The following FADS2 variants were observed in gnomAD, a reference collection of about 807,000 sequenced individuals.
FADS2 encodes the protein acyl-CoA 6-desaturase.
Under a neutral mutation model 61.2 loss-of-function variants are expected in FADS2, and 18 were observed. That is an observed-to-expected ratio of 0.29 (90% confidence interval 0.20 to 0.44). FADS2 has a LOEUF of 0.44. Among genes scored for constraint, FADS2 ranks in the 20% least tolerant of loss-of-function variants. FADS2 has a pLI of 1.00. For synonymous variants in FADS2, 203 were observed against 223.9 expected, an observed-to-expected ratio of 0.91 and a Z score of 0.83; for missense variants, 322 against 572.7, an observed-to-expected ratio of 0.56 and a Z score of 4.47.
chr11:61,865,545 C>A lies in FADS2; in HGVS notation c.1284-93C>A, dbSNP rs2067460854. ...CCCTGGTTAGGGCCAAGGGGACATA[C>A]ATGCCACCTTAATGATGGCCTCCTC... On this transcript the variant is annotated intron_variant, in intron 11 of 11. Coordinates refer to ENST00000278840, the MANE Select transcript of FADS2 (RefSeq NM_004265.4). The surrounding 1 kb of genome is among the most constrained non-coding windows in gnomAD (Gnocchi z 4.1). 8.2e-7 allele frequency: 1 copy of A among 1,214,252 alleles called. No individual in the cohort carries two copies. Among genetic ancestry groups the A allele is most frequent in the Non-Finnish European group, 1.2e-6 (1 of 836,144 alleles). 75.2% of individuals were successfully genotyped at this position (1,214,252 alleles called of 1,614,324 possible).
At position 61,865,505 on chromosome 11, in the gene FADS2, A is replaced by G; in HGVS notation, c.1284-133A>G. On this transcript the variant is annotated intron_variant, in intron 11 of 11. Coordinates refer to ENST00000278840, the MANE Select transcript of FADS2 (RefSeq NM_004265.4). This position sits in a 1 kb window ranked among gnomAD's most constrained non-coding sequence, Gnocchi z 4.1. ...TCTGAGCTGACAGCCCCACAGGCCC[A>G]GTGGCAGTGGTAAGCCCTGGTTAGG... 1 of 958,984 alleles carries G rather than the reference A, an allele frequency of 1.0e-6. No individual in the cohort carries two copies. The highest frequency in any genetic ancestry group is 1.6e-6 in the Non-Finnish European group (1 of 627,042). The allele number at this position is 958,984 out of a possible 1,614,324, so 59.4% of individuals were successfully genotyped here. A position where few individuals can be genotyped will look rare whatever the true frequency, so the allele number is the denominator to read the frequency against.
At chr11:61,816,235 C>T (rs987752541), upstream of FADS2, 4 of 1,594,348 alleles carry the variant, frequency 2.5e-6, no homozygotes, top group African/African-American at 1.3e-5. The surrounding 1 kb of genome is among the most constrained non-coding windows in gnomAD (Gnocchi z 7.0). Flanking sequence ...GCCTACCCAG[C>T]TCGGGGTTCT....
chr11:61,816,971 G>C lies in FADS2; in HGVS notation c.141+545G>C. 2 of 1,368,080 alleles carry C rather than the reference G, an allele frequency of 1.5e-6. No homozygotes were observed. The highest frequency in any genetic ancestry group is 1.9e-6 in the Non-Finnish European group (2 of 1,068,642). The allele number at this position is 1,368,080 out of a possible 1,614,324, so 84.7% of individuals were successfully genotyped here. On this transcript the variant is annotated intron_variant, in intron 1 of 11. Coordinates refer to the FADS2 transcript ENST00000257261. This position sits in a 1 kb window ranked among gnomAD's most constrained non-coding sequence, Gnocchi z 7.0. ...CGCGGGGAGCGAGATCCCGTCCCCC[G>C]GTGGGTCTTGGGCAACTCACAGCTG... is the stretch of plus-strand genomic sequence containing the variant.
chr11:61,847,203 G>T (rs919452967), intron 4 of FADS2: 2 of 152,082 alleles, frequency 1.3e-5, no homozygotes, highest in African/African-American at 4.8e-5. Flanking sequence ...CAAAGTGCTG[G>T]AATTACAGGT....
intron 5 of FADS2, among the ~76,000 whole-genome samples, chr11:61,850,239 C>CTTTCT (rs548024956): frequency 6.6e-5 from 10 of 151,912 alleles, no homozygotes; most frequent in South Asian, 2.1e-4. Context: ...TTCATAATTT[C>CTTTCT]TTTCTTTTCT....
At position 61,828,968 on chromosome 11, in the gene FADS2, G is replaced by A. The variant is rs769535539; in HGVS notation, c.207+371G>A. ...AGACGGCTTTGGCGCCCCCAGCGGG[G>A]AAGATGGCCGCCCCTGCGCGCCGCT... On this transcript the variant is annotated intron_variant, in intron 1 of 11. Transcript: ENST00000278840. This position sits in a 1 kb window ranked among gnomAD's most constrained non-coding sequence, Gnocchi z 6.4. 2.6e-5 allele frequency among the ~76,000 whole-genome samples: 4 copies of A among 152,358 alleles called. No individual in the cohort carries two copies. The East Asian group carries it at 7.7e-4, about 29-fold the overall frequency.
upstream of FADS2, among the ~76,000 whole-genome samples, chr11:61,824,155 G>A (rs373582563): frequency 3.3e-5 from 5 of 151,948 alleles, no homozygotes; most frequent in East Asian, 3.9e-4. Context: ...GCCGAGGTGG[G>A]CAGATCACCT....
rs149831604 is a variant in FADS2 at position 61,852,657 on chromosome 11, T to G, written c.745-4354T>G. Among the ~76,000 whole-genome samples, 168 of 152,364 alleles carry G rather than the reference T, an allele frequency of 1.1e-3. 1 individual carries two copies. The highest frequency in any genetic ancestry group is 3.8e-3 in the African/African-American group (160 of 41,590). ...GTCATTATGATTGGAGGTTCTCCAG[T>G]ACTCGGGAAAGCAGTGGATATTGGG... is the stretch of plus-strand genomic sequence containing the variant. On this transcript the variant is annotated intron_variant, in intron 5 of 11. Transcript: ENST00000278840.
chr11:61,865,884 C>A lies in FADS2; in HGVS notation c.*195C>A. On this transcript the variant is annotated 3_prime_UTR_variant, in exon 12 of 12. Transcript: ENST00000278840. The surrounding 1 kb of genome is among the most constrained non-coding windows in gnomAD (Gnocchi z 4.1). ...CCCATAGCACCCTGCCCTCATGGGACCTGCCCTCCCTCAGCCGTCAGCCAT... is the reference window on the plus strand; with the variant it reads ...CCCATAGCACCCTGCCCTCATGGGAACTGCCCTCCCTCAGCCGTCAGCCAT... 1 of 575,254 alleles carries A rather than the reference C, an allele frequency of 1.7e-6. No homozygotes were observed. The highest frequency in any genetic ancestry group is 3.1e-6 in the Non-Finnish European group (1 of 322,232). 35.6% of individuals were successfully genotyped at this position (575,254 alleles called of 1,614,324 possible). A position where few individuals can be genotyped will look rare whatever the true frequency, so the allele number is the denominator to read the frequency against.
At chr11:61,823,566 G>C (rs73487470), upstream of FADS2, among the ~76,000 whole-genome samples, 786 of 152,186 alleles carry the variant, frequency 5.2e-3, 10 homozygotes, top group African/African-American at 0.017. Context: ...ACTCCAGCTG[G>C]AGTGCAGTGG....
chr11:61,824,385 G>GA (rs1290727016), upstream of FADS2, among the ~76,000 whole-genome samples: 5 of 124,272 alleles, frequency 4.0e-5, no homozygotes, highest in East Asian at 9.8e-4. Flanking sequence ...CCATCTTGGG[G>GA]GAAAAAAAAA....
At chr11:61,845,120 T>G (rs911362169) in intron 4 of FADS2, among the ~76,000 whole-genome samples, 15 of 148,214 alleles carry the variant, frequency 1.0e-4, no homozygotes, top group Non-Finnish European at 1.9e-4. Flanking sequence ...ACCGAGGAGC[T>G]TTCCTCTGGC....
At chr11:61,818,141 G>A (rs1456055390) in intron 1 of FADS2, among the ~76,000 whole-genome samples, 1 of 152,240 alleles carries the variant, frequency 6.6e-6, no homozygotes, top group Non-Finnish European at 1.5e-5. Flanking sequence ...GTAGGAGTCA[G>A]GAGAGGGTGA....
intron 7 of FADS2, among the ~76,000 whole-genome samples, chr11:61,859,892 A>G (rs1449532918): frequency 6.6e-6 from 1 of 152,244 alleles, no homozygotes; most frequent in East Asian, 1.9e-4. Context: ...AGGCTGAGGC[A>G]GGAGAATTGC....
intron 5 of FADS2, among the ~76,000 whole-genome samples, chr11:61,850,882 C>T (rs2067301428): frequency 6.6e-6 from 1 of 152,156 alleles, no homozygotes; most frequent in Non-Finnish European, 1.5e-5. Context: ...AGGCTTGGAA[C>T]AAGGCGAGGA....
rs746063672 is a variant in FADS2 at position 61,857,008 on chromosome 11, C to T, written c.745-3C>T. 1.4e-5 allele frequency: 23 copies of T among 1,613,376 alleles called. No individual in the cohort carries two copies. ...GTGCTCATGATCTCTCCTCTCTCCT[C>T]AGTACGGCAAGAAGAAGCTGAAATA... On this transcript the variant is annotated splice_polypyrimidine_tract_variant and splice_region_variant and intron_variant, in intron 5 of 11. Coordinates refer to ENST00000278840, the MANE Select transcript of FADS2 (RefSeq NM_004265.4).
At chr11:61,849,867 G>C (rs74330132) in intron 5 of FADS2, 1 of 151,562 alleles carries the variant, frequency 6.6e-6, no homozygotes, top group Non-Finnish European at 1.5e-5. Flanking sequence ...CCATCTCTGC[G>C]AAAAATACAA....
chr11:61,852,015 G>A (rs916375411), intron 5 of FADS2, among the ~76,000 whole-genome samples: 1 of 152,210 alleles, frequency 6.6e-6, no homozygotes, highest in South Asian at 2.1e-4. Context: ...GTAGGATGAT[G>A]TTCGGCCTTC....
intron 7 of FADS2, among the ~76,000 whole-genome samples, chr11:61,861,371 A>AAAAAAAAAAAAAAAAAAAAAAAAT (rs1555078396): frequency 9.4e-6 from 1 of 106,458 alleles, no homozygotes; most frequent in Non-Finnish European, 2.2e-5. Context: ...AAAAAAAAAA[A>AAAAAAAAAAAAAAAAAAAAAAAAT]CAGAAATTAG....
Sources: gnomAD v4.1 joint callset for allele counts (sites outside exome capture counted in the v4.1 genomes callset) on GRCh38, gnomAD v4.1.1 for gene constraint, Gnocchi (gnomAD v3.1) non-coding constraint, MANE v1.5 for transcripts, NCBI Gene and HGNC (gene_info 2026-07-23, HGNC 2026-07-21) for gene names.